Variants in CABLES1 observed in about 807,000 individuals in gnomAD.
CABLES1 encodes Cdk5 and Abl enzyme substrate 1.
Under a neutral mutation model 57.8 loss-of-function variants are expected in CABLES1, and 36 were observed. The ratio of observed to expected loss-of-function variants is 0.62; its 90% CI spans 0.48 to 0.82. The LOEUF (loss-of-function observed/expected upper bound fraction) is 0.82. Among genes scored for constraint, CABLES1 ranks in the 40% least tolerant of loss-of-function variants. CABLES1 has a pLI of 0.00. For missense variants in CABLES1, 767 were observed against 836.6 expected, an observed-to-expected ratio of 0.92 and a Z score of 1.03; for synonymous variants, 374 against 363.0, an observed-to-expected ratio of 1.03 and a Z score of -0.35.
At chr18:23,169,013 G>A (rs564952875) in intron 1 of CABLES1, among the ~76,000 whole-genome samples, 1 of 152,182 alleles carries the variant, frequency 6.6e-6, no homozygotes, top group Non-Finnish European at 1.5e-5. Context: ...ACACAGGTCA[G>A]AAAGACCTTG....
At chr18:23,207,103 G>A (rs750497277) in intron 3 of CABLES1, among the ~76,000 whole-genome samples, 200 of 152,298 alleles carry the variant, frequency 1.3e-3, no homozygotes, top group Non-Finnish European at 2.4e-3. Context: ...GAGCCACGGT[G>A]CCCAGCAGTG....
intron 1 of CABLES1, among the ~76,000 whole-genome samples, chr18:23,178,192 A>G (rs1321181202): frequency 2.7e-5 from 4 of 149,642 alleles, no homozygotes; most frequent in Non-Finnish European, 5.9e-5. Context: ...CATCAGCCAC[A>G]CAAAACCTTT....
At chr18:23,207,572 G>C (rs560299651) in intron 3 of CABLES1, among the ~76,000 whole-genome samples, 1 of 152,252 alleles carries the variant, frequency 6.6e-6, no homozygotes, top group East Asian at 1.9e-4. Flanking sequence ...TCTGCATGGA[G>C]GTATCTCCCA....
chr18:23,228,791 A>G (rs1055256657), intron 4 of CABLES1, among the ~76,000 whole-genome samples: 21 of 150,868 alleles, frequency 1.4e-4, no homozygotes, highest in African/African-American at 4.6e-4. Flanking sequence ...CTGGATTTTC[A>G]GTGTGCTTGT....
intron 6 of CABLES1, among the ~76,000 whole-genome samples, chr18:23,236,773 T>C (rs1389586281): frequency 6.6e-6 from 1 of 152,114 alleles, no homozygotes; most frequent in Non-Finnish European, 1.5e-5. Flanking sequence ...TGCACAGGCG[T>C]CTCCAAATTT....
intron 1 of CABLES1, among the ~76,000 whole-genome samples, chr18:23,186,101 G>A (rs943277587): frequency 6.6e-6 from 1 of 152,208 alleles, no homozygotes; most frequent in African/African-American, 2.4e-5. Context: ...GGTGTGGAAG[G>A]AACATGTACG....
At chr18:23,204,393 G>A (rs943007694) in intron 3 of CABLES1, 30 of 152,348 alleles carry the variant, frequency 2.0e-4, no homozygotes, top group African/African-American at 6.3e-4. Context: ...TCGCGCTTGT[G>A]TACGGGTTTG....
chr18:23,136,558 C>T lies in CABLES1; in HGVS notation c.796C>T (p.Pro266Ser). Residue 266 changes from proline (P) to serine (S), a missense_variant, in exon 1 of 10, where the codon CCA becomes TCA. Transcript: ENST00000256925. ...TSQNYCSLEQ[P>S]GQGGSTSAFE... Reference sequence around the variant, plus strand: ...GCAGAACTACTGCTCCCTGGAGCAGCCAGGCCAGGGCGGCAGCACCAGCGC... The same window carrying T: ...GCAGAACTACTGCTCCCTGGAGCAGTCAGGCCAGGGCGGCAGCACCAGCGC... The T allele has an allele frequency of 1.0e-5, 16 of 1,544,572 alleles. No individual in the cohort carries two copies. Among genetic ancestry groups the T allele is most frequent in the Non-Finnish European group, 1.3e-5 (15 of 1,153,498 alleles).
At chr18:23,195,739 C>T (rs950057709) in intron 3 of CABLES1, among the ~76,000 whole-genome samples, 3 of 152,134 alleles carry the variant, frequency 2.0e-5, no homozygotes, top group East Asian at 1.9e-4. Context: ...TTTGTTAAAT[C>T]GAATACTCTG....
chr18:23,249,784 G>A (rs542224819), intron 7 of CABLES1, among the ~76,000 whole-genome samples: 1 of 151,992 alleles, frequency 6.6e-6, no homozygotes, highest in Admixed American at 6.6e-5. Context: ...CACTGCTAGC[G>A]ATCTTCTCGG....
chr18:23,236,496 G>T (rs1286029765), intron 6 of CABLES1, among the ~76,000 whole-genome samples: 3 of 152,198 alleles, frequency 2.0e-5, no homozygotes, highest in Admixed American at 2.0e-4. Flanking sequence ...GCTGAAGGAA[G>T]ACTTGCATGC....
intron 9 of CABLES1, 32 bp downstream of exon 9, chr18:23,253,968 G>A (rs2048103043): frequency 1.9e-6 from 3 of 1,586,818 alleles, no homozygotes; most frequent in African/African-American, 1.3e-5. Context: ...GGCTGGAGGA[G>A]CACATGCTCC....
chr18:23,163,544 T>TC (rs1717937808), intron 1 of CABLES1, among the ~76,000 whole-genome samples: 1 of 151,494 alleles, frequency 6.6e-6, no homozygotes, highest in South Asian at 2.1e-4. Flanking sequence ...CAGGGAAGCC[T>TC]GGGGGGCTGA....
intron 4 of CABLES1, among the ~76,000 whole-genome samples, chr18:23,232,276 G>A (rs1214299446): frequency 2.6e-5 from 4 of 152,218 alleles, no homozygotes; most frequent in Non-Finnish European, 5.9e-5. Flanking sequence ...GAAACAAGGA[G>A]AAAATTATTT....
intron 4 of CABLES1, among the ~76,000 whole-genome samples, chr18:23,229,884 A>C (rs1451010850): frequency 6.6e-6 from 1 of 152,222 alleles, no homozygotes; most frequent in Non-Finnish European, 1.5e-5. Context: ...ATGTGGCACA[A>C]TGTGAAACTG....
chr18:23,216,253 C>T (rs760152012), intron 4 of CABLES1, among the ~76,000 whole-genome samples: 11 of 152,210 alleles, frequency 7.2e-5, no homozygotes, highest in Non-Finnish European at 1.0e-4. Context: ...TTGTAGATGA[C>T]ATCACTGATC....
intron 4 of CABLES1, among the ~76,000 whole-genome samples, chr18:23,220,701 G>C (rs147325895): frequency 6.6e-6 from 1 of 152,252 alleles, no homozygotes; most frequent in Admixed American, 6.5e-5. Flanking sequence ...TGCCACACAC[G>C]GGCTGCCCTC....
chr18:23,136,518 C>T lies in CABLES1; in HGVS notation c.756C>T (p.Phe252=). 6.3e-7 allele frequency: 1 copy of T among 1,592,522 alleles called. No homozygotes were observed. The highest frequency in any genetic ancestry group is 8.5e-7 in the Non-Finnish European group (1 of 1,175,476). The change falls in exon 1 of 10, where the codon TTC becomes TTT. Residue 252 remains phenylalanine (F), a synonymous_variant. Coordinates refer to ENST00000256925, the MANE Select transcript of CABLES1 (RefSeq NM_001100619.3). ...CTCAGGGAATCCTGCCCATCGCCTT[C>T]TCCAGGCCGACTTCGCAGAACTACT... The part of the protein sequence containing the change: ...SFTQGILPIA[F]SRPTSQNYCS...
intron 1 of CABLES1, among the ~76,000 whole-genome samples, chr18:23,159,574 A>G (rs946473314): frequency 2.0e-5 from 3 of 152,214 alleles, no homozygotes; most frequent in Non-Finnish European, 4.4e-5. Flanking sequence ...GTCAGTGAAC[A>G]AGTGATTCTT....
Sources: allele counts gnomAD v4.1 joint callset (sites outside exome capture counted in the v4.1 genomes callset), GRCh38; gene constraint gnomAD v4.1.1; transcripts MANE v1.5; gene names NCBI Gene and HGNC (gene_info 2026-07-23, HGNC 2026-07-21).